The following EYA4 variants were observed in gnomAD, a reference collection of about 807,000 sequenced individuals.
EYA4 encodes the protein EYA transcriptional coactivator and phosphatase 4.
EYA4 carries 31 observed loss-of-function variants against 87.9 expected under a neutral mutation model. The observed-to-expected ratio is 0.35, with a 90% confidence interval of 0.27 to 0.48. The LOEUF is 0.48. Ranked by LOEUF, EYA4 falls within the 20% of genes least tolerant of loss-of-function variation. EYA4 has a pLI of 0.99. For missense variants in EYA4, 678 were observed against 761.4 expected (o/e 0.89, Z 1.29); for synonymous variants, 263 against 270.6 (o/e 0.97, Z 0.28).
chr6:133,525,469 G>T (rs1465470082), intron 19 of EYA4, among the ~76,000 whole-genome samples: 1 of 151,994 alleles, frequency 6.6e-6, no homozygotes, highest in Non-Finnish European at 1.5e-5. Flanking sequence ...GGGAAATTTA[G>T]TTATATTTAT....
At chr6:133,492,209 A>G (rs761974698) in intron 13 of EYA4, among the ~76,000 whole-genome samples, 11 of 152,208 alleles carry the variant, frequency 7.2e-5, no homozygotes, top group Non-Finnish European at 1.3e-4. Flanking sequence ...AAAATCCTCA[A>G]CAAAATACTA....
At chr6:133,386,546 T>G (rs1786765900) in intron 3 of EYA4, among the ~76,000 whole-genome samples, 1 of 151,946 alleles carries the variant, frequency 6.6e-6, no homozygotes, top group African/African-American at 2.4e-5. Context: ...CTCTTTGCTT[T>G]TCCTCTCTTG....
intron 3 of EYA4, among the ~76,000 whole-genome samples, chr6:133,405,759 A>T (rs1162908930): frequency 6.6e-6 from 1 of 152,098 alleles, no homozygotes; most frequent in East Asian, 1.9e-4. Flanking sequence ...ATGGAGAAAA[A>T]GCAGGAAAAG....
intron 2 of EYA4, among the ~76,000 whole-genome samples, chr6:133,282,119 T>A: frequency 6.6e-6 from 1 of 152,218 alleles, no homozygotes; most frequent in East Asian, 1.9e-4. Flanking sequence ...GTAGTAGGAT[T>A]GCTGGGTCAA....
At chr6:133,278,412 T>C (rs573928912) in intron 2 of EYA4, among the ~76,000 whole-genome samples, 44 of 152,316 alleles carry the variant, frequency 2.9e-4, no homozygotes, top group African/African-American at 1.0e-3. Flanking sequence ...TTTACTTGCC[T>C]ATCTCACCAC....
intron 2 of EYA4, among the ~76,000 whole-genome samples, chr6:133,376,601 GA>G (rs1785705967): frequency 6.6e-6 from 1 of 151,748 alleles, no homozygotes; most frequent in Non-Finnish European, 1.5e-5. Context: ...TATAATAAAA[GA>G]ACCTTGCTCT....
intron 2 of EYA4, among the ~76,000 whole-genome samples, chr6:133,319,512 T>C (rs1191780779): frequency 2.2e-5 from 1 of 46,218 alleles, no homozygotes; most frequent in African/African-American, 5.7e-5. Context: ...ATAGTGTCCC[T>C]TTTTTTTTTT....
intron 13 of EYA4, among the ~76,000 whole-genome samples, chr6:133,499,324 C>T (rs1378301640): frequency 2.0e-5 from 3 of 152,162 alleles, no homozygotes; most frequent in Non-Finnish European, 4.4e-5. Flanking sequence ...CTCTGCTCTG[C>T]CACTTTTCTC....
intron 3 of EYA4, among the ~76,000 whole-genome samples, chr6:133,445,170 A>C (rs978933098): frequency 2.0e-5 from 3 of 152,140 alleles, no homozygotes; most frequent in Non-Finnish European, 4.4e-5. Flanking sequence ...CTCTTATCCA[A>C]GTTTAATATA....
At chr6:133,373,098 TA>T (rs1159711436) in intron 2 of EYA4, among the ~76,000 whole-genome samples, 1 of 152,136 alleles carries the variant, frequency 6.6e-6, no homozygotes, top group Non-Finnish European at 1.5e-5. Flanking sequence ...TTGTCATTTT[TA>T]CTTAATAGGT....
chr6:133,409,059 G>T lies in EYA4; in HGVS notation c.83+26618G>T, dbSNP rs77679551. Among the ~76,000 whole-genome samples, 458 of 152,268 alleles carry T rather than the reference G, an allele frequency of 3.0e-3. 2 individuals carry two copies. The highest frequency in any genetic ancestry group is 0.011 in the African/African-American group (438 of 41,556). ...TCAGTGGTCCATAGGTCATTAGTCTGTAGCTGCTCTGTTACATGGAAAAGT... is the reference window on the plus strand; with the variant it reads ...TCAGTGGTCCATAGGTCATTAGTCTTTAGCTGCTCTGTTACATGGAAAAGT... On this transcript the variant is annotated intron_variant, in intron 3 of 19. Coordinates refer to ENST00000355286, the MANE Select transcript of EYA4 (RefSeq NM_004100.5).
chr6:133,397,291 A>C (rs1787886183), intron 3 of EYA4, among the ~76,000 whole-genome samples: 1 of 152,214 alleles, frequency 6.6e-6, no homozygotes, highest in Non-Finnish European at 1.5e-5. Context: ...AATAAGCTCC[A>C]GATCCTGAAT....
intron 1 of EYA4, among the ~76,000 whole-genome samples, chr6:133,259,141 A>AT (rs1775587690): frequency 6.6e-6 from 1 of 152,214 alleles, no homozygotes; most frequent in African/African-American, 2.4e-5. Flanking sequence ...CTAAGCAATT[A>AT]TGCTTTTGTG....
intron 13 of EYA4, among the ~76,000 whole-genome samples, chr6:133,488,996 G>T (rs552681137): frequency 2.6e-5 from 4 of 152,026 alleles, no homozygotes; most frequent in African/African-American, 9.7e-5. Flanking sequence ...TTGAGGAATC[G>T]CAACAAAATT....
chr6:133,304,193 C>G (rs578044100), intron 2 of EYA4, among the ~76,000 whole-genome samples: 135 of 152,212 alleles, frequency 8.9e-4, no homozygotes, highest in African/African-American at 3.2e-3. Context: ...CTTAACTAAG[C>G]ATCAATCCTG....
rs1248425911 is a variant in EYA4 at position 133,531,062 on chromosome 6, T to C, written c.*2257T>C. The C allele has an allele frequency of 1.4e-6, 2 of 1,407,206 alleles. No homozygotes were observed. The highest frequency in any genetic ancestry group is 1.8e-6 in the Non-Finnish European group (2 of 1,083,618). 87.2% of individuals were successfully genotyped at this position (1,407,206 alleles called of 1,614,324 possible). ...GCATTACATCTAAATTTGTAAGTCT[T>C]TTCATATCAAACAAGCAAGGCTTTT... On this transcript the variant is annotated 3_prime_UTR_variant, in exon 20 of 20. Transcript: ENST00000355286.
chr6:133,522,055 T>C (rs1312830084), intron 17 of EYA4, among the ~76,000 whole-genome samples: 1 of 142,208 alleles, frequency 7.0e-6, no homozygotes, highest in Non-Finnish European at 1.5e-5. Flanking sequence ...GCATGGCACA[T>C]GTATGCATAT....
At chr6:133,331,364 A>C (rs953936295) in intron 2 of EYA4, among the ~76,000 whole-genome samples, 4 of 152,290 alleles carry the variant, frequency 2.6e-5, no homozygotes, top group African/African-American at 9.6e-5. Context: ...GGCAGAACCC[A>C]ATAAATAATT....
At chr6:133,480,520 G>C (rs966933924) in intron 11 of EYA4, among the ~76,000 whole-genome samples, 30 of 152,144 alleles carry the variant, frequency 2.0e-4, no homozygotes, top group Non-Finnish European at 4.0e-4. Context: ...CTGAGATCCA[G>C]TATAAGCATA....
Sources: allele counts gnomAD v4.1 joint callset (sites outside exome capture counted in the v4.1 genomes callset), GRCh38; gene constraint gnomAD v4.1.1; transcripts MANE v1.5; gene names NCBI Gene and HGNC (gene_info 2026-07-23, HGNC 2026-07-21).